Variants in CDH18 observed in about 807,000 individuals in gnomAD.
CDH18 encodes the protein cadherin-18.
A neutral mutation model predicts 67.9 loss-of-function variants in CDH18; 31 were observed. The observed-to-expected ratio is 0.46, with a 90% CI of 0.34 to 0.62. The LOEUF (loss-of-function observed/expected upper bound fraction) is 0.62. CDH18 is among the 20% of genes least tolerant of loss of function. The probability of loss-of-function intolerance (pLI) is 0.01; values close to 1 mark genes in which losing one functional copy is unlikely to be tolerated. For missense variants in CDH18, 890 were observed against 975.5 expected, an observed-to-expected ratio of 0.91 and a Z score of 1.17; for synonymous variants, 362 against 347.2, an observed-to-expected ratio of 1.04 and a Z score of -0.48.
Position 20,428,025 on chromosome 5 carries a change from C to A in CDH18, c.-580+147437G>T, listed in dbSNP as rs531563402. On this transcript the variant is annotated intron_variant, in intron 1 of 14. Transcript: ENST00000507958. ...CAAGTGCCATGGTGGTTTGCTACAC[C>A]TATCAACCCATCATCTGGGTTTCAA... Among the ~76,000 whole-genome samples, 19 of 150,982 alleles carry A rather than the reference C, an allele frequency of 1.3e-4. No homozygotes were observed. The East Asian group carries it at 3.5e-3, about 28-fold the overall frequency.
intron 2 of CDH18, among the ~76,000 whole-genome samples, chr5:20,125,681 A>C (rs762504697): frequency 6.6e-6 from 1 of 152,184 alleles, no homozygotes; most frequent in Non-Finnish European, 1.5e-5. Context: ...TTTTTATATG[A>C]CTGCATATGA....
In CDH18 at chr5:20,537,792, T is replaced by C. The variant is rs539172293; in HGVS notation, c.-580+37670A>G. 1.3e-4 allele frequency among the ~76,000 whole-genome samples: 20 copies of C among 152,174 alleles called. No homozygotes were observed. In the East Asian group the frequency reaches 3.7e-3, roughly 28 times the overall value. Reference sequence around the variant, plus strand: ...TTATAAAGAATAAAAATGAAAATATTTGTATAAAATTTCTATCTTTGGGAA... The same window carrying C: ...TTATAAAGAATAAAAATGAAAATATCTGTATAAAATTTCTATCTTTGGGAA... On this transcript the variant is annotated intron_variant, in intron 1 of 14. Transcript: ENST00000507958.
chr5:19,621,073 T>C (rs953049360), intron 5 of CDH18, among the ~76,000 whole-genome samples: 1 of 152,074 alleles, frequency 6.6e-6, no homozygotes, highest in Admixed American at 6.6e-5. Context: ...TCACAATAGG[T>C]TTACCTGTGA....
intron 2 of CDH18, among the ~76,000 whole-genome samples, chr5:20,050,233 T>C (rs1490698343): frequency 1.3e-5 from 2 of 151,870 alleles, no homozygotes; most frequent in Non-Finnish European, 2.9e-5. Flanking sequence ...TTTGTCTTTT[T>C]CTCATGTATT....
At chr5:19,841,639 GTGT>G (rs1235317028) in intron 2 of CDH18, among the ~76,000 whole-genome samples, 1 of 150,390 alleles carries the variant, frequency 6.6e-6, no homozygotes, top group Admixed American at 6.6e-5. Flanking sequence ...GACATAGAAG[GTGT>G]TGTTATTTTA....
At chr5:19,800,684 C>T (rs920341762) in intron 3 of CDH18, among the ~76,000 whole-genome samples, 3 of 152,206 alleles carry the variant, frequency 2.0e-5, no homozygotes, top group Admixed American at 2.0e-4. Context: ...TGGATTCTCA[C>T]ATACCATAGC....
chr5:19,985,753 AAGAC>A (rs1473607953), intron 1 of CDH18, among the ~76,000 whole-genome samples: 1 of 152,144 alleles, frequency 6.6e-6, no homozygotes, highest in Non-Finnish European at 1.5e-5. Context: ...AAAAAAAAGA[AAGAC>A]AAAGAACACC....
intron 2 of CDH18, among the ~76,000 whole-genome samples, chr5:20,099,708 T>TA (rs1388824811): frequency 6.6e-6 from 1 of 152,318 alleles, no homozygotes; most frequent in African/African-American, 2.4e-5. Flanking sequence ...TATTAGAAGA[T>TA]AAGAGATTGA....
chr5:20,473,940 T>C (rs1051165530), intron 1 of CDH18, among the ~76,000 whole-genome samples: 3 of 152,178 alleles, frequency 2.0e-5, no homozygotes, highest in Admixed American at 2.0e-4. Flanking sequence ...AACCTTGCCT[T>C]ATGAATTTGT....
intron 4 of CDH18, among the ~76,000 whole-genome samples, chr5:19,744,227 T>C (rs779130831): frequency 2.6e-5 from 4 of 152,148 alleles, no homozygotes; most frequent in Non-Finnish European, 5.9e-5. Context: ...TACAGAGAGT[T>C]GAAACTTACT....
In CDH18 at chr5:20,570,197, T is replaced by C. The variant is rs149189833; in HGVS notation, c.-580+5265A>G. On this transcript the variant is annotated intron_variant, in intron 1 of 14. Transcript: ENST00000507958. Reference sequence around the variant, plus strand: ...ATGAACTTAAGTTAATAATGGTGAATCAATAATGGTTCTTCCATTGCAACA... The same window carrying C: ...ATGAACTTAAGTTAATAATGGTGAACCAATAATGGTTCTTCCATTGCAACA... 7.6e-3 allele frequency among the ~76,000 whole-genome samples: 1,151 copies of C among 152,286 alleles called. 23 individuals carry two copies. The highest frequency in any genetic ancestry group is 0.038 in the Admixed American group (578 of 15,294).
intron 3 of CDH18, among the ~76,000 whole-genome samples, chr5:19,794,032 A>G (rs1776618908): frequency 1.3e-5 from 2 of 152,178 alleles, no homozygotes; most frequent in Non-Finnish European, 2.9e-5. Context: ...TTATGAATTA[A>G]ATAATTAATA....
At chr5:20,264,880 T>C (rs1744913479) in intron 1 of CDH18, among the ~76,000 whole-genome samples, 1 of 152,086 alleles carries the variant, frequency 6.6e-6, no homozygotes. Context: ...CAGTCTAAAT[T>C]CTCCATTTTA....
chr5:19,922,380 C>G (rs1394473582), intron 2 of CDH18, among the ~76,000 whole-genome samples: 1 of 152,092 alleles, frequency 6.6e-6, no homozygotes, highest in African/African-American at 2.4e-5. Flanking sequence ...AAAACATGAT[C>G]AAAATGTTCA....
chr5:19,932,417 C>T (rs1187602991), intron 2 of CDH18, among the ~76,000 whole-genome samples: 2 of 151,690 alleles, frequency 1.3e-5, no homozygotes, highest in East Asian at 3.9e-4. Context: ...TGTAGATGCC[C>T]CTCCTAACAT....
rs1394526902 is a variant in CDH18, at chr5:20,304,370, T to C, written c.-579-48865A>G. On this transcript the variant is annotated intron_variant, in intron 1 of 14. Coordinates refer to the CDH18 transcript ENST00000507958. ...TTTCTTGTAAAATAGTTTACACTTT[T>C]TGGAGTAAAAAGCATCTTCTTCTTT... The C allele has an allele frequency of 4.0e-6, 6 of 1,486,882 alleles. No individual in the cohort carries two copies. The East Asian group carries it at 6.8e-5, about 17-fold the overall frequency. 92.1% of individuals were successfully genotyped at this position (1,486,882 alleles called of 1,614,324 possible).
At position 20,194,653 on chromosome 5, in the gene CDH18, A is replaced by C. The variant is rs2388300; in HGVS notation, c.-518+60791T>G. ...CTATCTATAACATTCTGAAACTTTGAAGTAATTTTTTTTTTTAAAAAGAAT... is the reference window on the plus strand; with the variant it reads ...CTATCTATAACATTCTGAAACTTTGCAGTAATTTTTTTTTTTAAAAAGAAT... On this transcript the variant is annotated intron_variant, in intron 2 of 14. Transcript: ENST00000507958. 1.9e-3 allele frequency among the ~76,000 whole-genome samples: 187 copies of C among 96,760 alleles called. 1 individual carries two copies. Among genetic ancestry groups the C allele is most frequent in the African/African-American group, 0.01 (180 of 17,586 alleles). 63.5% of individuals were successfully genotyped at this position (96,760 alleles called of 152,430 possible).
At position 20,411,372 on chromosome 5, in the gene CDH18, GT is replaced by G. The variant is rs1746758911; in HGVS notation, c.-579-155868del. Among the ~76,000 whole-genome samples the G allele has an allele frequency of 2.7e-5, 4 of 147,332 alleles. No individual in the cohort carries two copies. In the South Asian group the frequency reaches 8.7e-4, roughly 32 times the overall value. On this transcript the variant is annotated intron_variant, in intron 1 of 14. Coordinates refer to the CDH18 transcript ENST00000507958. ...GAAAAGAGTATCTTCAACTAATTGT[GT>G]TAAGAAAACAGAATATTATATACAC...
intron 2 of CDH18, among the ~76,000 whole-genome samples, chr5:19,885,890 T>C (rs915122872): frequency 7.2e-5 from 11 of 152,220 alleles, no homozygotes; most frequent in Non-Finnish European, 1.0e-4. Flanking sequence ...TAATTTCTTA[T>C]ATGGTGAGCG....
Sources: allele counts gnomAD v4.1 joint callset (sites outside exome capture counted in the v4.1 genomes callset), GRCh38; gene constraint gnomAD v4.1.1; transcripts MANE v1.5; gene names NCBI Gene and HGNC (gene_info 2026-07-23, HGNC 2026-07-21).